The following ERC1 variants were observed in gnomAD, a reference collection of about 807,000 sequenced individuals.
The protein encoded by ERC1 is ELKS/RAB6-interacting/CAST family member 1.
A neutral mutation model predicts 132.0 loss-of-function variants in ERC1; 56 were observed. That is an observed-to-expected ratio of 0.42 (90% CI 0.34 to 0.53). The LOEUF (loss-of-function observed/expected upper bound fraction) is 0.53, where lower values mean the gene tolerates loss of function less well. ERC1 is among the 20% of genes least tolerant of loss of function. The pLI, the probability that ERC1 is intolerant of heterozygous loss-of-function variation, is 0.03. For synonymous variants in ERC1, 478 were observed against 476.1 expected, an observed-to-expected ratio of 1.00 and a Z score of -0.05; for missense variants, 1,202 against 1,349.9, an observed-to-expected ratio of 0.89 and a Z score of 1.72.
intron 7 of ERC1, among the ~76,000 whole-genome samples, chr12:1,122,215 C>CTA (rs542694091): frequency 4.7e-3 from 96 of 20,548 alleles, no homozygotes; most frequent in Middle Eastern, 0.045. Context: ...GTCTCTATCT[C>CTA]TATCTCTATC....
chr12:1,111,092 A>G (rs1319498841), intron 5 of ERC1, among the ~76,000 whole-genome samples: 3 of 152,046 alleles, frequency 2.0e-5, no homozygotes, highest in African/African-American at 4.8e-5. Flanking sequence ...TCTTTGCCCT[A>G]TCCTGTGGGG....
At position 1,490,101 on chromosome 12, in the gene ERC1, T is replaced by A. The variant is rs771318939; in HGVS notation, c.3222T>A (p.Asp1074Glu). Residue 1074 changes from aspartate (D) to glutamate (E), a missense_variant, in exon 19 of 19, where the codon GAT becomes GAA. Coordinates refer to ENST00000360905, the MANE Select transcript of ERC1 (RefSeq NM_178040.4). The stretch of plus-strand genomic sequence containing the variant: ...TCTCCTTTCCCTTTCAGCTTCAGGA[T>A]GAGTTAGAGAAAGGTGAACGGGACA... ...LQKMTRGQLQDELEKGERDNA... is the reference protein window; with the variant it reads ...LQKMTRGQLQEELEKGERDNA... 1.2e-6 allele frequency: 2 copies of A among 1,613,676 alleles called. No homozygotes were observed. The highest frequency in any genetic ancestry group is 2.2e-5 in the South Asian group (2 of 91,068).
intron 16 of ERC1, among the ~76,000 whole-genome samples, chr12:1,394,260 C>A (rs1033981563): frequency 1.4e-5 from 2 of 144,744 alleles, no homozygotes; most frequent in South Asian, 2.2e-4. Context: ...ATTAGCCAGG[C>A]GTGGTGGCGG....
chr12:1,173,509 T>G (rs1953316615), intron 8 of ERC1, among the ~76,000 whole-genome samples: 1 of 152,206 alleles, frequency 6.6e-6, no homozygotes, highest in African/African-American at 2.4e-5. Context: ...GAACAATCAT[T>G]TTTATCTTTA....
upstream of ERC1, chr12:990,955 G>GTGTC (rs1400096264): frequency 6.6e-6 from 1 of 150,660 alleles, no homozygotes; most frequent in Non-Finnish European, 1.5e-5. Context: ...GTGTGTGAGT[G>GTGTC]TGTGTGTGTG....
chr12:1,026,809 GTTCATCTATTT>G (rs1364567250), intron 1 of ERC1, among the ~76,000 whole-genome samples: 3 of 152,130 alleles, frequency 2.0e-5, no homozygotes, highest in Admixed American at 2.0e-4. Context: ...TTCCTTCCTT[GTTCATCTATTT>G]TAAATTGTTT....
chr12:1,235,120 A>G (rs1321926440), intron 12 of ERC1, among the ~76,000 whole-genome samples: 1 of 152,236 alleles, frequency 6.6e-6, no homozygotes, highest in African/African-American at 2.4e-5. Context: ...TGTAATCCCA[A>G]CACTGGGAGG....
chr12:1,310,041 G>A (rs1488700936), intron 15 of ERC1, among the ~76,000 whole-genome samples: 1 of 151,320 alleles, frequency 6.6e-6, no homozygotes, highest in Non-Finnish European at 1.5e-5. Context: ...TCTGCCTCCC[G>A]GGTTCACGCC....
At chr12:1,430,221 G>A (rs1440427734) in intron 17 of ERC1, 2 of 152,164 alleles carry the variant, frequency 1.3e-5, no homozygotes, top group Non-Finnish European at 2.9e-5. Flanking sequence ...CCAGAAGGAA[G>A]CCACAATGCC....
chr12:1,457,716 A>G (rs1338193629), intron 18 of ERC1, among the ~76,000 whole-genome samples: 1 of 151,948 alleles, frequency 6.6e-6, no homozygotes. Context: ...ATACACTTTA[A>G]AAGTTAATCG....
intron 3 of ERC1, among the ~76,000 whole-genome samples, chr12:1,101,205 A>G (rs1363147329): frequency 6.6e-6 from 1 of 152,218 alleles, no homozygotes; most frequent in Non-Finnish European, 1.5e-5. Flanking sequence ...TCATTATTAT[A>G]TCTCCAAAAC....
intron 18 of ERC1, among the ~76,000 whole-genome samples, chr12:1,448,833 C>G (rs1250232531): frequency 3.3e-5 from 5 of 152,238 alleles, no homozygotes; most frequent in Non-Finnish European, 7.3e-5. Flanking sequence ...CCACCATCCT[C>G]CAGACCCCAG....
chr12:1,395,935 A>T lies in ERC1; in HGVS notation c.2926-12214A>T, dbSNP rs1297735776. 4.1e-5 allele frequency among the ~76,000 whole-genome samples: 3 copies of T among 73,570 alleles called. No individual in the cohort carries two copies. The East Asian group carries it at 8.1e-4, about 20-fold the overall frequency. 48.3% of individuals were successfully genotyped at this position (73,570 alleles called of 152,430 possible). Reference sequence around the variant, plus strand: ...AAGAAGAAAAACTACATGGAGTCTTAAAAAAAAAAATCACTGAGTCCTAAA... The same window carrying T: ...AAGAAGAAAAACTACATGGAGTCTTTAAAAAAAAAATCACTGAGTCCTAAA... On this transcript the variant is annotated intron_variant, in intron 16 of 18. Transcript: ENST00000360905.
chr12:1,205,430 G>C (rs987822025), intron 12 of ERC1, among the ~76,000 whole-genome samples: 2 of 141,528 alleles, frequency 1.4e-5, no homozygotes, highest in Non-Finnish European at 3.1e-5. Context: ...TATATATATA[G>C]ATATATATTT....
chr12:1,288,200 A>C (rs2079166664), intron 14 of ERC1, among the ~76,000 whole-genome samples: 1 of 152,166 alleles, frequency 6.6e-6, no homozygotes, highest in Admixed American at 6.5e-5. Context: ...AATGGAATCA[A>C]TGGTATATGT....
In ERC1 at chr12:1,028,082, A is replaced by G. The variant is rs1021192132; in HGVS notation, c.179A>G (p.Gln60Arg). The G allele has an allele frequency of 8.7e-6, 14 of 1,614,054 alleles. No individual in the cohort carries two copies. Among genetic ancestry groups the G allele is most frequent in the Non-Finnish European group, 1.2e-5 (14 of 1,180,030 alleles). Reference sequence around the variant, plus strand: ...AAAACCCTTTCAATGGAAAATATACAATCTTTAAATGCTGCCTATGCCACC... The same window carrying G: ...AAAACCCTTTCAATGGAAAATATACGATCTTTAAATGCTGCCTATGCCACC... The part of the protein sequence containing the change: ...SGKTLSMENI[Q>R]SLNAAYATSG... Residue 60 changes from glutamine to arginine, a missense_variant, in exon 2 of 19, where the codon CAA becomes CGA. Coordinates refer to ENST00000360905, the MANE Select transcript of ERC1 (RefSeq NM_178040.4).
chr12:1,403,011 A>G (rs1280914636), intron 16 of ERC1, among the ~76,000 whole-genome samples: 4 of 152,218 alleles, frequency 2.6e-5, no homozygotes, highest in Non-Finnish European at 2.9e-5. Flanking sequence ...CTCTTAGCTT[A>G]TGTATTCTTC....
At chr12:1,102,948 C>T (rs1249814992) in intron 3 of ERC1, among the ~76,000 whole-genome samples, 1 of 152,204 alleles carries the variant, frequency 6.6e-6, no homozygotes, top group Non-Finnish European at 1.5e-5. Context: ...TCTCCACATG[C>T]TCATCACTCA....
At chr12:1,247,416 G>A (rs930061380) in intron 13 of ERC1, among the ~76,000 whole-genome samples, 1 of 152,176 alleles carries the variant, frequency 6.6e-6, no homozygotes, top group African/African-American at 2.4e-5. Context: ...CCTGTATAAG[G>A]AGCAGATGGG....
Sources: allele counts gnomAD v4.1 joint callset (sites outside exome capture counted in the v4.1 genomes callset), GRCh38; gene constraint gnomAD v4.1.1; transcripts MANE v1.5; gene names NCBI Gene and HGNC (gene_info 2026-07-23, HGNC 2026-07-21).